NXPE4: variants seen among roughly 807,000 people sequenced by gnomAD.
NXPE4 encodes neurexophilin and PC-esterase domain family member 4, also known as NXPE family member 4.
Under a neutral mutation model 33.3 loss-of-function variants are expected in NXPE4, and 42 were observed. The ratio of observed to expected loss-of-function variants is 1.26; its 90% CI spans 0.98 to 1.63. NXPE4 has a LOEUF of 1.63. Among genes scored for constraint, NXPE4 ranks in the 40% most tolerant of loss-of-function variants. The probability of loss-of-function intolerance (pLI) is 0.00; values close to 1 mark genes in which losing one functional copy is unlikely to be tolerated. For missense variants in NXPE4, 709 were observed against 647.6 expected (o/e 1.09, Z -1.03); for synonymous variants, 253 against 234.9 (o/e 1.08, Z -0.71).
chr11:114,657,687 A>G, the NXPE4 span, among the ~76,000 whole-genome samples: 1 of 152,188 alleles, frequency 6.6e-6, no homozygotes, highest in African/African-American at 2.4e-5. Context: ...CATGCATTTA[A>G]AAACACTGTT....
chr11:114,576,315 C>G (rs1948993228), intron 5 of NXPE4, among the ~76,000 whole-genome samples: 1 of 151,426 alleles, frequency 6.6e-6, no homozygotes, highest in Non-Finnish European at 1.5e-5. Context: ...ACCAAGGACC[C>G]AAAAGCAAAT....
chr11:114,675,930 C>T, the NXPE4 span, among the ~76,000 whole-genome samples: 4 of 151,748 alleles, frequency 2.6e-5, no homozygotes, highest in Non-Finnish European at 5.9e-5. Flanking sequence ...AATAGAGACC[C>T]CAGAAATAAA....
chr11:114,672,372 A>G, the NXPE4 span, among the ~76,000 whole-genome samples: 1 of 150,760 alleles, frequency 6.6e-6, no homozygotes, highest in Non-Finnish European at 1.5e-5. Flanking sequence ...ATGTTACACT[A>G]GAAAATATTC....
chr11:114,607,290 ATAGT>A, the NXPE4 span, among the ~76,000 whole-genome samples: 3 of 151,852 alleles, frequency 2.0e-5, no homozygotes, highest in Admixed American at 6.6e-5. Context: ...TGCCTGGTGG[ATAGT>A]TAGTATTGCC....
chr11:114,580,451 G>T, intron 4 of NXPE4, 113 bp from the exon 5 acceptor site: 1 of 804,738 alleles, frequency 1.2e-6, no homozygotes, highest in South Asian at 1.6e-5. Flanking sequence ...TGGTGGTAAT[G>T]GTGGAAAAAG....
the NXPE4 span, among the ~76,000 whole-genome samples, chr11:114,674,982 G>A: frequency 6.6e-6 from 1 of 151,820 alleles, no homozygotes; most frequent in Non-Finnish European, 1.5e-5. Flanking sequence ...TCCCTTGGAT[G>A]CAAGGATGGT....
At chr11:114,621,191 A>C in the NXPE4 span, among the ~76,000 whole-genome samples, 2 of 152,118 alleles carry the variant, frequency 1.3e-5, no homozygotes, top group African/African-American at 4.8e-5. Flanking sequence ...GTGGGTAACC[A>C]CTGTTACCTG....
chr11:114,675,214 T>A, the NXPE4 span, among the ~76,000 whole-genome samples: 1 of 151,838 alleles, frequency 6.6e-6, no homozygotes, highest in South Asian at 2.1e-4. Context: ...TCATACTCAA[T>A]GGTGAAAATC....
the NXPE4 span, among the ~76,000 whole-genome samples, chr11:114,639,086 C>G: frequency 1.3e-5 from 2 of 152,204 alleles, no homozygotes; most frequent in South Asian, 2.1e-4. Context: ...CCTACAGAGG[C>G]AGGCAGCCCT....
chr11:114,619,108 G>A, the NXPE4 span, among the ~76,000 whole-genome samples: 1 of 152,070 alleles, frequency 6.6e-6, no homozygotes, highest in South Asian at 2.1e-4. Flanking sequence ...TTGCACTGTG[G>A]ATAATAAGTG....
At chr11:114,674,160 C>G in the NXPE4 span, among the ~76,000 whole-genome samples, 2 of 151,662 alleles carry the variant, frequency 1.3e-5, no homozygotes, top group Non-Finnish European at 3.0e-5. Context: ...ATTAAAATGC[C>G]TTAGTAGTCT....
chr11:114,659,516 CAA>C, the NXPE4 span, among the ~76,000 whole-genome samples: 1 of 150,316 alleles, frequency 6.7e-6, no homozygotes, highest in Non-Finnish European at 1.5e-5. Context: ...AGTGGTCTAA[CAA>C]AAAAAGTTTG....
chr11:114,624,226 T>A, the NXPE4 span, among the ~76,000 whole-genome samples: 1 of 151,788 alleles, frequency 6.6e-6, no homozygotes, highest in African/African-American at 2.4e-5. Context: ...GGATGACAGA[T>A]GTTTCCTCTA....
the NXPE4 span, among the ~76,000 whole-genome samples, chr11:114,656,489 G>A: frequency 6.6e-6 from 1 of 152,048 alleles, no homozygotes; most frequent in African/African-American, 2.4e-5. Context: ...CTAAAAGCTG[G>A]AGGAATCATG....
the NXPE4 span, among the ~76,000 whole-genome samples, chr11:114,601,678 T>A: frequency 7.4e-5 from 2 of 27,040 alleles, no homozygotes; most frequent in African/African-American, 1.8e-4. Context: ...ATATTATAAT[T>A]ATAGATTATA....
intron 2 of NXPE4, among the ~76,000 whole-genome samples, chr11:114,585,486 A>T (rs1949270915): frequency 6.6e-6 from 1 of 152,134 alleles, no homozygotes; most frequent in African/African-American, 2.4e-5. Flanking sequence ...CACTATGCTT[A>T]TATCAGATAA....
chr11:114,621,634 T>C, the NXPE4 span, among the ~76,000 whole-genome samples: 1 of 152,186 alleles, frequency 6.6e-6, no homozygotes, highest in Non-Finnish European at 1.5e-5. Flanking sequence ...GGATAATAAG[T>C]ATTGCCTTGT....
chr11:114,634,316 T>C, the NXPE4 span, among the ~76,000 whole-genome samples: 1 of 152,140 alleles, frequency 6.6e-6, no homozygotes, highest in Non-Finnish European at 1.5e-5. Context: ...AGTTGTTTGT[T>C]ATTTTCTTGT....
chr11:114,665,401 T>C, the NXPE4 span, among the ~76,000 whole-genome samples: 2 of 152,158 alleles, frequency 1.3e-5, no homozygotes, highest in Admixed American at 6.6e-5. Flanking sequence ...TCTGTGAACA[T>C]AGCACAACCT....
Sources: allele counts gnomAD v4.1 joint callset (sites outside exome capture counted in the v4.1 genomes callset), GRCh38; gene constraint gnomAD v4.1.1; transcripts MANE v1.5; gene names NCBI Gene and HGNC (gene_info 2026-07-23, HGNC 2026-07-21).